Variants in RCL1 observed in about 807,000 individuals in gnomAD.
RCL1 encodes the protein RNA 3'-terminal phosphate cyclase-like protein.
In RCL1, 24 loss-of-function variants were observed where a neutral mutation model predicts 42.4. The ratio of observed to expected loss-of-function variants is 0.57; its 90% CI spans 0.41 to 0.80. The LOEUF is 0.80. RCL1 is among the 30% of genes least tolerant of loss of function. The probability of loss-of-function intolerance (pLI) is 0.00; values close to 1 mark genes in which losing one functional copy is unlikely to be tolerated. For synonymous variants in RCL1, 228 were observed against 177.3 expected, an observed-to-expected ratio of 1.29 and a Z score of -2.27; for missense variants, 578 against 467.9, an observed-to-expected ratio of 1.24 and a Z score of -2.17.
chr9:4,853,645 G>C (rs757096276), intron 8 of RCL1, among the ~76,000 whole-genome samples: 1 of 152,118 alleles, frequency 6.6e-6, no homozygotes, highest in Non-Finnish European at 1.5e-5. Flanking sequence ...TTATGTAAGA[G>C]CTGGGATTCC....
At chr9:4,808,508 AT>A (rs1247459405) in intron 1 of RCL1, among the ~76,000 whole-genome samples, 1 of 152,066 alleles carries the variant, frequency 6.6e-6, no homozygotes, top group Non-Finnish European at 1.5e-5. Context: ...GGGTTTCGCC[AT>A]GTTGCCCAGG....
Position 4,827,731 on chromosome 9 carries a change from AGTGTGTGT to A in RCL1, c.384+716_384+723del, listed in dbSNP as rs71326142. ...CTGTCTTAATGCCATTCTAGGATGA[AGTGTGTGT>A]GTGTGTGTGTGTGTGTGCACGCGTG... On this transcript the variant is annotated intron_variant, in intron 3 of 8. Coordinates refer to ENST00000381750, the MANE Select transcript of RCL1 (RefSeq NM_005772.5). 2.9e-4 allele frequency among the ~76,000 whole-genome samples: 43 copies of A among 147,602 alleles called. 1 individual carries two copies. The highest frequency in any genetic ancestry group is 1.0e-3 in the African/African-American group (41 of 39,792).
At chr9:4,858,914 A>C (rs1818057707) in intron 8 of RCL1, among the ~76,000 whole-genome samples, 1 of 152,198 alleles carries the variant, frequency 6.6e-6, no homozygotes, top group Non-Finnish European at 1.5e-5. Context: ...ATTCTTGTTA[A>C]CAACATAGAT....
At chr9:4,827,376 G>C (rs1816798088) in intron 3 of RCL1, 2 of 885,712 alleles carry the variant, frequency 2.3e-6, no homozygotes, top group African/African-American at 3.4e-5. Flanking sequence ...TGGTAGCTGA[G>C]GCTGGAGGGC....
At position 4,838,882 on chromosome 9, in the gene RCL1, A is replaced by G. The variant is rs1386175476; in HGVS notation, c.585-2350A>G. ...TTGAATCTTGGATAAGTAATAAAGAAAAGCAATAGCTGACATTTGTTGGGC... is the reference window on the plus strand; with the variant it reads ...TTGAATCTTGGATAAGTAATAAAGAGAAGCAATAGCTGACATTTGTTGGGC... On this transcript the variant is annotated intron_variant, in intron 5 of 8. Coordinates refer to ENST00000381750, the MANE Select transcript of RCL1 (RefSeq NM_005772.5). Among the ~76,000 whole-genome samples, 3 of 152,252 alleles carry G rather than the reference A, an allele frequency of 2.0e-5. No homozygotes were observed. The East Asian group carries it at 5.8e-4, about 29-fold the overall frequency.
chr9:4,806,503 C>T (rs1815969299), intron 1 of RCL1, among the ~76,000 whole-genome samples: 1 of 151,426 alleles, frequency 6.6e-6, no homozygotes, highest in African/African-American at 2.4e-5. Context: ...TTTTCTTCTT[C>T]AGCCTATAAA....
intron 8 of RCL1, among the ~76,000 whole-genome samples, chr9:4,856,259 C>T (rs1430476176): frequency 6.6e-6 from 1 of 152,174 alleles, no homozygotes; most frequent in African/African-American, 2.4e-5. Context: ...ACAACGACAA[C>T]AGAAATTTAA....
chr9:4,809,664 A>G (rs1313850147), intron 1 of RCL1, among the ~76,000 whole-genome samples: 1 of 152,240 alleles, frequency 6.6e-6, no homozygotes, highest in Non-Finnish European at 1.5e-5. Context: ...TCGAATCAAA[A>G]TATATGAAAT....
intron 7 of RCL1, among the ~76,000 whole-genome samples, chr9:4,845,183 G>A (rs1817471622): frequency 6.6e-6 from 1 of 152,212 alleles, no homozygotes; most frequent in Non-Finnish European, 1.5e-5. Context: ...CAGAATCTCA[G>A]TTAACAGATA....
At chr9:4,820,995 C>T (rs571090763) in intron 1 of RCL1, among the ~76,000 whole-genome samples, 9 of 152,104 alleles carry the variant, frequency 5.9e-5, no homozygotes, top group African/African-American at 2.2e-4. Flanking sequence ...ATTAGAGATC[C>T]ATTAAATTAA....
rs1156603027 is a variant in RCL1 at position 4,861,010 on chromosome 9, G to C, written c.*735G>C. The C allele has an allele frequency of 6.6e-6, 1 of 152,192 alleles. No homozygotes were observed. The highest frequency in any genetic ancestry group is 1.5e-5 in the Non-Finnish European group (1 of 68,042). 9.4% of individuals were successfully genotyped at this position (152,192 alleles called of 1,614,324 possible). On this transcript the variant is annotated 3_prime_UTR_variant, in exon 9 of 9. Transcript: ENST00000381750. ...ATCTCCATGAGAAAATTCATAAAGG[G>C]TGTTTTGTTCCTTTGAAATGTATAA...
chr9:4,798,419 T>C (rs1563825341), intron 1 of RCL1, among the ~76,000 whole-genome samples: 1 of 152,262 alleles, frequency 6.6e-6, no homozygotes, highest in Non-Finnish European at 1.5e-5. Flanking sequence ...GAGCAGGTCA[T>C]GTAACTAAGC....
intron 7 of RCL1, among the ~76,000 whole-genome samples, chr9:4,848,161 T>A (rs1411613413): frequency 1.3e-5 from 2 of 152,220 alleles, no homozygotes; most frequent in Non-Finnish European, 2.9e-5. Context: ...TAAAACAGTT[T>A]TGTTGGTCGT....
At chr9:4,796,955 A>G (rs1407560485) in intron 1 of RCL1, among the ~76,000 whole-genome samples, 1 of 152,224 alleles carries the variant, frequency 6.6e-6, no homozygotes, top group African/African-American at 2.4e-5. Flanking sequence ...CTCCATATGA[A>G]AGAAACAGTT....
At position 4,820,613 on chromosome 9, in the gene RCL1, G is replaced by A. The variant is rs539955162; in HGVS notation, c.137-2935G>A. Among the ~76,000 whole-genome samples the A allele has an allele frequency of 6.6e-5, 10 of 152,274 alleles. No individual in the cohort carries two copies. In the South Asian group the frequency reaches 2.1e-3, roughly 32 times the overall value. On this transcript the variant is annotated intron_variant, in intron 1 of 8. Coordinates refer to ENST00000381750, the MANE Select transcript of RCL1 (RefSeq NM_005772.5). ...TTTCTTTTCTAATTTGTAAAAATCT[G>A]TGGGGTTTAATCTTAGGCTTTATTT...
chr9:4,849,322 G>A (rs910300669), intron 7 of RCL1, 125 bp from the exon 8 acceptor site: 1 of 688,292 alleles, frequency 1.5e-6, no homozygotes, highest in South Asian at 1.8e-5. Flanking sequence ...CCTGTATTCT[G>A]TTTTATTGTT....
chr9:4,793,020 G>C lies in RCL1; in HGVS notation c.-72G>C. On this transcript the variant is annotated 5_prime_UTR_variant, in exon 1 of 9. Transcript: ENST00000381750. ...CGGTGTCGCCGCCACCACCACCATC[G>C]GAGTCACGAGTCCCGCGTCTGTCCG... 1 of 1,521,764 alleles carries C rather than the reference G, an allele frequency of 6.6e-7. No individual in the cohort carries two copies. Among genetic ancestry groups the C allele is most frequent in the Non-Finnish European group, 8.9e-7 (1 of 1,128,316 alleles). The allele number at this position is 1,521,764 out of a possible 1,614,324, so 94.3% of individuals were successfully genotyped here. A position where few individuals can be genotyped will look rare whatever the true frequency, so the allele number is the denominator to read the frequency against.
At chr9:4,819,922 T>A (rs1816532173) in intron 1 of RCL1, among the ~76,000 whole-genome samples, 1 of 152,174 alleles carries the variant, frequency 6.6e-6, no homozygotes, top group Admixed American at 6.5e-5. Flanking sequence ...ATGCATAAGA[T>A]ATAAAAGTAG....
intron 8 of RCL1, among the ~76,000 whole-genome samples, chr9:4,856,630 A>T (rs1304107214): frequency 6.6e-6 from 1 of 152,218 alleles, no homozygotes; most frequent in East Asian, 1.9e-4. Context: ...AATGCTATGG[A>T]AACCTGGAGG....
Sources: gnomAD v4.1 joint callset for allele counts (sites outside exome capture counted in the v4.1 genomes callset) on GRCh38, gnomAD v4.1.1 for gene constraint, MANE v1.5 for transcripts, NCBI Gene and HGNC (gene_info 2026-07-23, HGNC 2026-07-21) for gene names.